Variants in FLYWCH1 observed in about 807,000 individuals in gnomAD.
FLYWCH1 encodes the protein FLYWCH-type zinc finger 1.
FLYWCH1 carries 75 observed loss-of-function variants against 66.4 expected under a neutral mutation model. That is an observed-to-expected ratio of 1.13 (90% CI 0.94 to 1.37). FLYWCH1 has a LOEUF of 1.37. Ranked by LOEUF, FLYWCH1 falls within the 40% of genes most tolerant of loss-of-function variation. The pLI, the probability that FLYWCH1 is intolerant of heterozygous loss-of-function variation, is 0.00. For synonymous variants in FLYWCH1, 595 were observed against 429.9 expected (o/e 1.38, Z -4.75); for missense variants, 1,334 against 1,001.8 (o/e 1.33, Z -4.48).
intron 9 of FLYWCH1, among the ~76,000 whole-genome samples, chr16:2,941,876 C>A (rs553005972): frequency 6.6e-6 from 1 of 151,136 alleles, no homozygotes; most frequent in Non-Finnish European, 1.5e-5. Flanking sequence ...GAAAAATTAG[C>A]CAGGCGTGGT....
chr16:2,926,975 C>G (rs897986297), intron 2 of FLYWCH1, among the ~76,000 whole-genome samples: 1 of 152,198 alleles, frequency 6.6e-6, no homozygotes, highest in African/African-American at 2.4e-5. Context: ...CAATGCCAAT[C>G]CAGATACAGT....
Position 2,933,221 on chromosome 16 carries a change from C to T in FLYWCH1, c.888C>T (p.Val296=), listed in dbSNP as rs376283105. 96 of 1,613,360 alleles carry T rather than the reference C, an allele frequency of 6.0e-5. No individual in the cohort carries two copies. The highest frequency in any genetic ancestry group is 2.5e-4 in the African/African-American group (19 of 74,874). Residue 296 remains valine, a synonymous_variant, in exon 5 of 10, where the codon GTC becomes GTT. Coordinates refer to ENST00000253928, the MANE Select transcript of FLYWCH1 (RefSeq NM_001308068.2). ...ESFLYKREKA[V]GDKVYWTCRD... ...TCCTCTACAAGCGGGAGAAGGCTGT[C>T]GGGGACAAGGTGTATTGGACCTGCC...
chr16:2,920,005 C>A (rs1040199455), intron 2 of FLYWCH1, among the ~76,000 whole-genome samples: 2 of 152,068 alleles, frequency 1.3e-5, no homozygotes, highest in African/African-American at 4.8e-5. Context: ...CATGATTGAA[C>A]GCAGTGTGTG....
At chr16:2,925,696 G>T (rs2070542005) in intron 2 of FLYWCH1, among the ~76,000 whole-genome samples, 1 of 152,156 alleles carries the variant, frequency 6.6e-6, no homozygotes, top group Non-Finnish European at 1.5e-5. Flanking sequence ...CTGTGGGGCG[G>T]CATGAGTAGG....
chr16:2,938,694 G>A (rs1278444348), intron 8 of FLYWCH1, among the ~76,000 whole-genome samples: 1 of 87,308 alleles, frequency 1.1e-5, no homozygotes, highest in Non-Finnish European at 3.0e-5. Context: ...CTCACTGCAA[G>A]CTCCGCCTCC....
intron 2 of FLYWCH1, among the ~76,000 whole-genome samples, chr16:2,921,448 G>A (rs1298262108): frequency 3.9e-5 from 6 of 152,004 alleles, no homozygotes; most frequent in South Asian, 2.1e-4. Context: ...GCATCCATCC[G>A]GTGCTTGGGA....
At chr16:2,921,063 G>A (rs1284353131) in intron 2 of FLYWCH1, among the ~76,000 whole-genome samples, 2 of 150,902 alleles carry the variant, frequency 1.3e-5, no homozygotes, top group African/African-American at 2.4e-5. Flanking sequence ...GGATGGTCTC[G>A]ATCTGCTGAC....
intron 2 of FLYWCH1, chr16:2,915,566 C>G (rs2070140670): frequency 6.6e-6 from 1 of 152,134 alleles, no homozygotes; most frequent in Non-Finnish European, 1.5e-5. Context: ...GTTTTTGAAA[C>G]TGCTTAGTCA....
At chr16:2,934,594 G>C in intron 6 of FLYWCH1, 1 of 455,496 alleles carries the variant, frequency 2.2e-6, no homozygotes, top group South Asian at 1.6e-5. Context: ...CCACTCACCT[G>C]CTCTTCCTTC....
At position 2,912,623 on chromosome 16, in the gene FLYWCH1, C is replaced by T. The variant is rs147172551; in HGVS notation, c.-188+469C>T. ...ATGCCTTTTACGCGTGTACTCTGTG[C>T]CTGTGGGTCTGGATGACTGAAGCAC... On this transcript the variant is annotated intron_variant, in intron 1 of 9. Coordinates refer to ENST00000253928, the MANE Select transcript of FLYWCH1 (RefSeq NM_001308068.2). Among the ~76,000 whole-genome samples, 112 of 152,288 alleles carry T rather than the reference C, an allele frequency of 7.4e-4. 1 individual carries two copies. In the South Asian group the frequency reaches 0.01, roughly 14 times the overall value.
chr16:2,934,042 C>T (rs899570059), intron 6 of FLYWCH1, 63 bp downstream of exon 6: 2 of 1,446,230 alleles, frequency 1.4e-6, no homozygotes, highest in Non-Finnish European at 1.8e-6. Flanking sequence ...CACTGCCTTT[C>T]CCTCTCCATG....
intron 9 of FLYWCH1, among the ~76,000 whole-genome samples, chr16:2,946,316 C>CTTTTTTT (rs58279573): frequency 5.2e-4 from 39 of 75,534 alleles, no homozygotes; most frequent in African/African-American, 9.2e-4. Flanking sequence ...GTGGGCTGTA[C>CTTTTTTT]TTTTTTTTTT....
intron 2 of FLYWCH1, chr16:2,922,222 AGATG>A (rs1278266326): frequency 9.3e-6 from 1 of 107,736 alleles, no homozygotes; most frequent in Admixed American, 9.5e-5. Context: ...AGTTTGTTAC[AGATG>A]GCTCGTGTGT....
At chr16:2,932,796 C>T (rs113587426) in intron 4 of FLYWCH1, among the ~76,000 whole-genome samples, 2,319 of 152,074 alleles carry the variant, frequency 0.015, 68 homozygotes, top group African/African-American at 0.053. Context: ...CCCGGTGTAA[C>T]CTTGATGCAA....
Position 2,949,130 on chromosome 16 carries a change from T to C in FLYWCH1, c.*403T>C, listed in dbSNP as rs1040990635. 3 of 215,136 alleles carry C rather than the reference T, an allele frequency of 1.4e-5. No homozygotes were observed. The highest frequency in any genetic ancestry group is 1.1e-4 in the Admixed American group (2 of 18,648). The allele number at this position is 215,136 out of a possible 1,614,324, so 13.3% of individuals were successfully genotyped here. On this transcript the variant is annotated 3_prime_UTR_variant, in exon 10 of 10. Transcript: ENST00000253928. ...GCTCAGCACGGTGCAAAGTGAATGC[T>C]GCTGTCTTGGAGCCTGGGCACGTTT... is the stretch of plus-strand genomic sequence containing the variant.
intron 6 of FLYWCH1, chr16:2,936,857 C>A (rs539967726): frequency 3.1e-6 from 2 of 635,114 alleles, no homozygotes; most frequent in Admixed American, 2.1e-5. Flanking sequence ...GCAGACACTG[C>A]CTCCCTGAAG....
At position 2,933,973 on chromosome 16, in the gene FLYWCH1, A is replaced by C; in HGVS notation, c.1507A>C (p.Ser503Arg). The C allele has an allele frequency of 2.6e-6, 4 of 1,532,110 alleles. No individual in the cohort carries two copies. 94.9% of individuals were successfully genotyped at this position (1,532,110 alleles called of 1,614,324 possible). A position where few individuals can be genotyped will look rare whatever the true frequency, so the allele number is the denominator to read the frequency against. Residue 503 changes from serine to arginine, a missense_variant, in exon 6 of 10, where the codon AGC becomes CGC. By Grantham distance (110) the Ser-to-Arg change is moderately radical. Transcript: ENST00000253928. ...ACGCCCCAACACGGCGCAGCGGGGG[A>C]GCCCAGGTACCTGGGGGTGGGCTGG... ...EKRPNTAQRG[S>R]PGGPEFLKTP...
chr16:2,923,932 G>C (rs1314931695), intron 2 of FLYWCH1, among the ~76,000 whole-genome samples: 2 of 152,088 alleles, frequency 1.3e-5, no homozygotes, highest in African/African-American at 4.8e-5. Context: ...GCAGCTACTT[G>C]GGAGTCTGAG....
At chr16:2,942,435 G>T (rs1048952970) in intron 9 of FLYWCH1, among the ~76,000 whole-genome samples, 1 of 152,008 alleles carries the variant, frequency 6.6e-6, no homozygotes. Flanking sequence ...AGCATGAGCC[G>T]CAATGCTTGG....
Sources: gnomAD v4.1 joint callset for allele counts (sites outside exome capture counted in the v4.1 genomes callset) on GRCh38, gnomAD v4.1.1 for gene constraint, MANE v1.5 for transcripts, NCBI Gene and HGNC (gene_info 2026-07-23, HGNC 2026-07-21) for gene names.